PABPC4L: variants seen among roughly 807,000 people sequenced by gnomAD.
PABPC4L encodes the protein poly(A) binding protein cytoplasmic 4 like, also known as polyadenylate-binding protein 4-like.
For missense variants in PABPC4L, 452 were observed against 451.4 expected (o/e 1.00, Z -0.01); for synonymous variants, 169 against 164.1 (o/e 1.03, Z -0.23).
the PABPC4L span, among the ~76,000 whole-genome samples, chr4:134,107,015 C>A: frequency 6.6e-6 from 1 of 151,270 alleles, no homozygotes; most frequent in African/African-American, 2.4e-5. Context: ...ATTTACCTAG[C>A]GAGGAATCTA....
At chr4:134,047,308 G>A in the PABPC4L span, among the ~76,000 whole-genome samples, 2 of 152,028 alleles carry the variant, frequency 1.3e-5, no homozygotes, top group African/African-American at 4.8e-5. Context: ...AAATATAACG[G>A]ATCCCTTCCC....
chr4:134,055,882 A>G, the PABPC4L span, among the ~76,000 whole-genome samples: 1 of 151,982 alleles, frequency 6.6e-6, no homozygotes, highest in African/African-American at 2.4e-5. Flanking sequence ...GTCAAGACTA[A>G]GTACTCTGCC....
At chr4:134,064,594 G>C in the PABPC4L span, among the ~76,000 whole-genome samples, 1 of 151,872 alleles carries the variant, frequency 6.6e-6, no homozygotes, top group Non-Finnish European at 1.5e-5. Flanking sequence ...TTTTGGTTTT[G>C]TTTATTATTC....
chr4:134,040,558 C>A, the PABPC4L span, among the ~76,000 whole-genome samples: 1 of 152,120 alleles, frequency 6.6e-6, no homozygotes, highest in Admixed American at 6.5e-5. Context: ...CTTCCTTACA[C>A]CTTATACAAA....
the PABPC4L span, among the ~76,000 whole-genome samples, chr4:134,180,536 C>T: frequency 1.3e-4 from 19 of 151,596 alleles, no homozygotes; most frequent in African/African-American, 3.6e-4. Flanking sequence ...AAAGTTAGAG[C>T]TGACCAGAGG....
chr4:134,066,909 A>C, the PABPC4L span, among the ~76,000 whole-genome samples: 1 of 152,152 alleles, frequency 6.6e-6, no homozygotes, highest in African/African-American at 2.4e-5. Context: ...ATGGTGGATT[A>C]GCTTTTTTAT....
At chr4:134,057,182 C>T in the PABPC4L span, among the ~76,000 whole-genome samples, 1 of 152,102 alleles carries the variant, frequency 6.6e-6, no homozygotes, top group Non-Finnish European at 1.5e-5. Context: ...TCCTCTCCCT[C>T]TGTGACTCCA....
At chr4:133,998,656 A>T in the PABPC4L span, among the ~76,000 whole-genome samples, 1 of 152,118 alleles carries the variant, frequency 6.6e-6, no homozygotes, top group South Asian at 2.1e-4. Context: ...TTAACTACAC[A>T]TTCAAATCTG....
rs1413211990 is a variant in PABPC4L at position 134,199,281 on chromosome 4, T to C, written c.*626A>G. 1 of 152,164 alleles carries C rather than the reference T, an allele frequency of 6.6e-6. No homozygotes were observed. Among genetic ancestry groups the C allele is most frequent in the Non-Finnish European group, 1.5e-5 (1 of 67,988 alleles). The allele number at this position is 152,164 out of a possible 1,614,324, so 9.4% of individuals were successfully genotyped here. On this transcript the variant is annotated 3_prime_UTR_variant, in exon 2 of 2. Coordinates refer to ENST00000421491, the MANE Select transcript of PABPC4L (RefSeq NM_001114734.2). ...GAACAAAACACATAAAGCCAGTTTT[T>C]AGGCAACATTAAAAACTTCCATCAT...
chr4:133,958,564 A>G, the PABPC4L span, among the ~76,000 whole-genome samples: 93 of 152,284 alleles, frequency 6.1e-4, no homozygotes, highest in Non-Finnish European at 5.9e-5. Flanking sequence ...TCATGCTGCT[A>G]TGAAGAAATA....
At chr4:134,184,813 G>T in the PABPC4L span, among the ~76,000 whole-genome samples, 1 of 151,984 alleles carries the variant, frequency 6.6e-6, no homozygotes, top group Non-Finnish European at 1.5e-5. Flanking sequence ...CACAAGTAAG[G>T]AATGAGAGTT....
At chr4:134,164,028 C>G in the PABPC4L span, among the ~76,000 whole-genome samples, 2 of 151,638 alleles carry the variant, frequency 1.3e-5, no homozygotes, top group Non-Finnish European at 2.9e-5. Context: ...CTTTGGGAGG[C>G]CGAGGCGGGC....
chr4:134,162,183 C>T, the PABPC4L span, among the ~76,000 whole-genome samples: 1 of 151,876 alleles, frequency 6.6e-6, no homozygotes, highest in Non-Finnish European at 1.5e-5. Context: ...GGAAGAACAA[C>T]AAAACAACCA....
chr4:134,140,562 T>C, the PABPC4L span, among the ~76,000 whole-genome samples: 1 of 151,826 alleles, frequency 6.6e-6, no homozygotes, highest in Non-Finnish European at 1.5e-5. Context: ...CTGTTTTTAT[T>C]ACTGTAATGT....
At chr4:134,016,214 C>T in the PABPC4L span, among the ~76,000 whole-genome samples, 3 of 152,188 alleles carry the variant, frequency 2.0e-5, no homozygotes, top group Non-Finnish European at 4.4e-5. Context: ...CCTCCACTAC[C>T]TCTCAGCAAG....
the PABPC4L span, among the ~76,000 whole-genome samples, chr4:133,995,207 G>A: frequency 8.1e-4 from 123 of 152,266 alleles, no homozygotes; most frequent in African/African-American, 2.9e-3. Context: ...CCTTTTTACA[G>A]CAGGGGCATA....
the PABPC4L span, among the ~76,000 whole-genome samples, chr4:134,029,461 T>C: frequency 6.6e-6 from 1 of 152,052 alleles, no homozygotes; most frequent in African/African-American, 2.4e-5. Flanking sequence ...AAATGTTATA[T>C]TCTAGCAGGA....
the PABPC4L span, among the ~76,000 whole-genome samples, chr4:134,175,180 C>T: frequency 4.0e-5 from 6 of 151,894 alleles, no homozygotes; most frequent in African/African-American, 7.3e-5. Context: ...TATAAGTACC[C>T]GCGAAAAGTA....
chr4:134,097,880 T>G, the PABPC4L span, among the ~76,000 whole-genome samples: 4 of 151,882 alleles, frequency 2.6e-5, no homozygotes, highest in Non-Finnish European at 4.4e-5. Flanking sequence ...TGTTCCTAAT[T>G]GAGAAACTTG....
Sources: allele counts gnomAD v4.1 joint callset (sites outside exome capture counted in the v4.1 genomes callset), GRCh38; gene constraint gnomAD v4.1.1; transcripts MANE v1.5; gene names NCBI Gene and HGNC (gene_info 2026-07-23, HGNC 2026-07-21).